Variants in ASB9 observed in about 807,000 individuals in gnomAD.
ASB9 encodes ankyrin repeat and SOCS box protein 9.
Under a neutral mutation model 16.6 loss-of-function variants are expected in ASB9, and 5 were observed. The observed-to-expected ratio is 0.30, with a 90% CI of 0.16 to 0.63. The LOEUF (loss-of-function observed/expected upper bound fraction) is 0.63. ASB9 is among the 30% of genes least tolerant of loss of function. The pLI, the probability that ASB9 is intolerant of heterozygous loss-of-function variation, is 0.82. For synonymous variants in ASB9, 100 were observed against 86.4 expected, an observed-to-expected ratio of 1.16 and a Z score of -0.87; for missense variants, 216 against 229.4, an observed-to-expected ratio of 0.94 and a Z score of 0.38.
At chrX:15,262,881 C>T (rs1005282909) in intron 1 of ASB9, among the ~76,000 whole-genome samples, 1 of 112,473 alleles carries the variant, frequency 8.9e-6, no homozygotes, top group Non-Finnish European at 1.9e-5. Context: ...ATCCATGCGC[C>T]TCAGCCTCCC....
chrX:15,262,692 G>A (rs1404486899), intron 1 of ASB9, among the ~76,000 whole-genome samples: 4 of 112,593 alleles, frequency 3.6e-5, no homozygotes, highest in African/African-American at 1.3e-4. Flanking sequence ...AGTACAGTGG[G>A]GCAATCTTGG....
In ASB9 at chrX:15,252,422, A is replaced by T; in HGVS notation, c.283-18T>A. On this transcript the variant is annotated intron_variant, in intron 3 of 6. Coordinates refer to ENST00000380488, the MANE Select transcript of ASB9 (RefSeq NM_001031739.3). ...CCATTCACCTGGTAAAAGAAGCTCC[A>T]GAATGAAGACAGGAAGGGGGATGTT... The T allele has an allele frequency of 8.4e-7, 1 of 1,186,234 alleles. No individual in the cohort carries two copies. Among genetic ancestry groups the T allele is most frequent in the Non-Finnish European group, 1.1e-6 (1 of 881,662 alleles).
intron 1 of ASB9, among the ~76,000 whole-genome samples, chrX:15,268,229 G>T (rs1299243870): frequency 1.9e-5 from 2 of 107,049 alleles, no homozygotes; most frequent in East Asian, 6.1e-4. Flanking sequence ...CTACTCGGGA[G>T]GCTGAGGCAG....
At chrX:15,266,289 A>C (rs1165477989) in intron 1 of ASB9, among the ~76,000 whole-genome samples, 1 of 112,159 alleles carries the variant, frequency 8.9e-6, no homozygotes, top group Non-Finnish European at 1.9e-5. Context: ...ATGTAGAGGC[A>C]CATGAGAATT....
At chrX:15,259,563 C>T (rs765893976) in intron 1 of ASB9, among the ~76,000 whole-genome samples, 1 of 112,943 alleles carries the variant, frequency 8.9e-6, no homozygotes, top group Admixed American at 9.3e-5. Flanking sequence ...GCTCTTAATT[C>T]AGACCCGCTT....
intron 1 of ASB9, among the ~76,000 whole-genome samples, chrX:15,264,768 T>C (rs746585971): frequency 8.9e-6 from 1 of 111,766 alleles, no homozygotes; most frequent in Admixed American, 9.5e-5. Flanking sequence ...CCAACTACAA[T>C]TGAGGTTTTA....
chrX:15,250,392 C>T (rs775008132), intron 5 of ASB9, 38 bp downstream of exon 5: 29 of 1,182,203 alleles, frequency 2.5e-5, no homozygotes, highest in African/African-American at 3.5e-5. Flanking sequence ...ATTTACTTTT[C>T]GTTTTCTTTT....
At chrX:15,251,296 C>G (rs184649959) in intron 4 of ASB9, among the ~76,000 whole-genome samples, 3 of 111,540 alleles carry the variant, frequency 2.7e-5, no homozygotes, top group Non-Finnish European at 5.7e-5. Flanking sequence ...TACAACCTCT[C>G]CAAAGGCAGG....
intron 4 of ASB9, 57 bp downstream of exon 4, chrX:15,252,197 A>G: frequency 9.2e-7 from 1 of 1,088,868 alleles, no homozygotes; most frequent in Non-Finnish European, 1.2e-6. Flanking sequence ...TCTTTCTTTC[A>G]GCAGTAAGAT....
chrX:15,263,587 CT>C (rs397895159), intron 1 of ASB9, among the ~76,000 whole-genome samples: 2 of 58,188 alleles, frequency 3.4e-5, no homozygotes, highest in Non-Finnish European at 6.1e-5. Context: ...CTCCCTCTCT[CT>C]TCTCTCTCTC....
chrX:15,257,616 CTG>C (rs1441821559), intron 2 of ASB9, among the ~76,000 whole-genome samples: 2 of 111,471 alleles, frequency 1.8e-5, no homozygotes, highest in Non-Finnish European at 3.8e-5. Flanking sequence ...CTTAAATTAA[CTG>C]TGATTTGTCT....
At chrX:15,249,398 C>G (rs1924923663) in intron 5 of ASB9, among the ~76,000 whole-genome samples, 1 of 112,244 alleles carries the variant, frequency 8.9e-6, no homozygotes, top group South Asian at 3.7e-4. Flanking sequence ...TGAAAAGCAA[C>G]CAACCAACTC....
At chrX:15,248,355 C>A (rs889692184) in intron 6 of ASB9, among the ~76,000 whole-genome samples, 40 of 112,114 alleles carry the variant, frequency 3.6e-4, no homozygotes, top group African/African-American at 1.3e-3. Context: ...GTAGTCTGGC[C>A]CATCTGTGGT....
At chrX:15,247,317 A>G (rs1420851257) in intron 6 of ASB9, among the ~76,000 whole-genome samples, 1 of 112,059 alleles carries the variant, frequency 8.9e-6, no homozygotes, top group East Asian at 2.8e-4. Context: ...CATAGGCCAC[A>G]CTGTCACCGT....
At chrX:15,268,775 C>G (rs1294233913) in intron 1 of ASB9, among the ~76,000 whole-genome samples, 1 of 105,604 alleles carries the variant, frequency 9.5e-6, no homozygotes, top group Non-Finnish European at 1.9e-5. Flanking sequence ...GATCGCGCCA[C>G]TGCACTCCAG....
At chrX:15,251,212 T>C (rs1925093073) in intron 4 of ASB9, among the ~76,000 whole-genome samples, 1 of 111,905 alleles carries the variant, frequency 8.9e-6, no homozygotes, top group Non-Finnish European at 1.9e-5. Flanking sequence ...GGGAGAGATA[T>C]GGAGGAACAG....
intron 2 of ASB9, among the ~76,000 whole-genome samples, 180 bp from the exon 3 acceptor site, chrX:15,255,024 A>G (rs1334608596): frequency 3.6e-5 from 4 of 111,157 alleles, no homozygotes; most frequent in Non-Finnish European, 7.5e-5. Context: ...GGAGTGTGGT[A>G]TGGTATAACC....
chrX:15,266,949 A>G (rs796190392), intron 1 of ASB9, among the ~76,000 whole-genome samples: 89 of 91,090 alleles, frequency 9.8e-4, no homozygotes, highest in African/African-American at 3.1e-3. Context: ...AAAAAAAAAA[A>G]AAAAGAAAAA....
chrX:15,265,839 T>G (rs1262361105), intron 1 of ASB9, among the ~76,000 whole-genome samples: 90 of 108,085 alleles, frequency 8.3e-4, no homozygotes, highest in African/African-American at 2.8e-3. Context: ...GTTTCACTCT[T>G]GTTGCCCAGG....
Sources: gnomAD v4.1 joint callset for allele counts (sites outside exome capture counted in the v4.1 genomes callset) on GRCh38, gnomAD v4.1.1 for gene constraint, MANE v1.5 for transcripts, NCBI Gene and HGNC (gene_info 2026-07-23, HGNC 2026-07-21) for gene names.